The following UNC79 variants were observed in gnomAD, a reference collection of about 807,000 sequenced individuals.
UNC79 encodes protein unc-79 homolog.
A neutral mutation model predicts 283.1 loss-of-function variants in UNC79; 37 were observed. That is an observed-to-expected ratio of 0.13 (90% confidence interval 0.10 to 0.17). The LOEUF (loss-of-function observed/expected upper bound fraction) is 0.17. Ranked by LOEUF, UNC79 falls within the 10% of genes least tolerant of loss-of-function variation. The pLI is 1.00. For synonymous variants in UNC79, 1,107 were observed against 1,200.2 expected (o/e 0.92, Z 1.61); for missense variants, 2,272 against 3,211.1 (o/e 0.71, Z 7.07).
chr14:93,682,516 A>C (rs763670552), intron 41 of UNC79, 101 bp from the exon 45 acceptor site: 23 of 1,041,406 alleles, frequency 2.2e-5, no homozygotes, highest in Non-Finnish European at 2.9e-5. Context: ...ATCGTCATGA[A>C]AATAAACACT....
rs79405862 is a variant in UNC79, at chr14:93,602,682, C to T, written c.3575-557C>T. Among the ~76,000 whole-genome samples, 1,440 of 152,190 alleles carry T rather than the reference C, an allele frequency of 9.5e-3. 23 individuals are homozygous for T. Among genetic ancestry groups the T allele is most frequent in the African/African-American group, 0.033 (1,357 of 41,498 alleles). ...ATGGGAATTGCATTGAATCTGCTGCCCAGGCTGATGTGTAGTGGTGTCATC... is the reference window on the plus strand; with the variant it reads ...ATGGGAATTGCATTGAATCTGCTGCTCAGGCTGATGTGTAGTGGTGTCATC... On this transcript the variant is annotated intron_variant, in intron 25 of 48. Coordinates refer to ENST00000555664, the Ensembl canonical transcript of UNC79.
At chr14:93,402,192 G>T (rs1490427288) in intron 1 of UNC79, among the ~76,000 whole-genome samples, 1 of 145,768 alleles carries the variant, frequency 6.9e-6, no homozygotes, top group Admixed American at 7.2e-5. Context: ...CAGGAGAATT[G>T]CTTGAACCCA....
At chr14:93,613,134 A>G (rs1566775710) in intron 27 of UNC79, 51 bp downstream of exon 28, 2 of 1,600,984 alleles carry the variant, frequency 1.2e-6, no homozygotes, top group Non-Finnish European at 1.7e-6. Flanking sequence ...TTTTAGTAGA[A>G]GCAAGGCATT....
intron 1 of UNC79, among the ~76,000 whole-genome samples, chr14:93,371,566 C>G (rs2054447406): frequency 6.6e-6 from 1 of 152,028 alleles, no homozygotes; most frequent in African/African-American, 2.4e-5. Flanking sequence ...TACAGCCGGG[C>G]TAGGTGGCTC....
chr14:93,667,282 G>A (rs191755469), intron 40 of UNC79, among the ~76,000 whole-genome samples: 5 of 152,132 alleles, frequency 3.3e-5, no homozygotes, highest in Admixed American at 3.3e-4. Flanking sequence ...TACAATGGAA[G>A]ATCAATACAA....
chr14:93,596,342 A>C (rs552258149), intron 23 of UNC79, among the ~76,000 whole-genome samples: 1 of 152,358 alleles, frequency 6.6e-6, no homozygotes, highest in Non-Finnish European at 1.5e-5. Context: ...GTCAATAGGA[A>C]GAATACTGTA....
At chr14:93,370,964 GAT>G (rs2054431115) in intron 1 of UNC79, among the ~76,000 whole-genome samples, 1 of 152,056 alleles carries the variant, frequency 6.6e-6, no homozygotes. Flanking sequence ...TATTTGAAAA[GAT>G]AGTAATTAAG....
Position 93,356,321 on chromosome 14 carries a change from C to A in UNC79, c.-351+22798C>A, listed in dbSNP as rs553905312. On this transcript the variant is annotated intron_variant, in intron 1 of 49. Transcript: ENST00000256339. ...TACAGTACAGGCATGAGCCACTGTT[C>A]CCAGCCACTTCTATTTCACTCTTGT... Among the ~76,000 whole-genome samples the A allele has an allele frequency of 5.3e-5, 8 of 152,324 alleles. No homozygotes were observed. In the South Asian group the frequency reaches 1.7e-3, roughly 32 times the overall value.
chr14:93,440,413 C>G (rs764085530), intron 1 of UNC79, among the ~76,000 whole-genome samples: 6 of 151,570 alleles, frequency 4.0e-5, no homozygotes, highest in Non-Finnish European at 7.4e-5. Flanking sequence ...TTTATTACTT[C>G]TAGTTTTTGG....
At chr14:93,519,514 T>C (rs1364106219) in intron 7 of UNC79, among the ~76,000 whole-genome samples, 1 of 151,852 alleles carries the variant, frequency 6.6e-6, no homozygotes, top group Non-Finnish European at 1.5e-5. Context: ...AATTATTGTT[T>C]AGACCATTGG....
chr14:93,649,406 A>G (rs546867725), intron 35 of UNC79, among the ~76,000 whole-genome samples: 13 of 152,240 alleles, frequency 8.5e-5, no homozygotes, highest in African/African-American at 3.1e-4. Context: ...TAAAACAAAT[A>G]TTTTATTTTC....
At position 93,540,684 on chromosome 14, in the gene UNC79, T is replaced by C. The variant is rs774603008; in HGVS notation, c.1377T>C (p.His459=). Reference sequence around the variant, plus strand: ...GCTTGTTGAAAGAAGCCGAGTTCCATGCTGAGCAGCGAGAACATGAGCTGA... The same window carrying C: ...GCTTGTTGAAAGAAGCCGAGTTCCACGCTGAGCAGCGAGAACATGAGCTGA... Residue 459 remains histidine, a synonymous_variant, in exon 13 of 49, where the codon CAT becomes CAC. Coordinates refer to ENST00000555664, the Ensembl canonical transcript of UNC79. 6.8e-6 allele frequency: 11 copies of C among 1,613,402 alleles called. No homozygotes were observed. The African/African-American group carries it at 9.3e-5, about 14-fold the overall frequency.
intron 14 of UNC79, among the ~76,000 whole-genome samples, chr14:93,546,112 G>A (rs1335204632): frequency 6.6e-6 from 1 of 152,218 alleles, no homozygotes; most frequent in Non-Finnish European, 1.5e-5. Context: ...CTATCATAGT[G>A]ATGTTATCCG....
chr14:93,421,800 A>G (rs2140071604), intron 1 of UNC79, among the ~76,000 whole-genome samples: 1 of 151,612 alleles, frequency 6.6e-6, no homozygotes, highest in South Asian at 2.1e-4. Context: ...GAAAACAAGA[A>G]CATTTATCAT....
chr14:93,672,716 T>G (rs544925075), intron 40 of UNC79, among the ~76,000 whole-genome samples: 1 of 152,326 alleles, frequency 6.6e-6, no homozygotes, highest in South Asian at 2.1e-4. Flanking sequence ...ATGAATAACC[T>G]AAATACTCTA....
At chr14:93,333,648 A>C (rs2053506348) in intron 1 of UNC79, 1 of 383,796 alleles carries the variant, frequency 2.6e-6, no homozygotes, top group Non-Finnish European at 4.6e-6. Flanking sequence ...ACAAAGGACA[A>C]AATTGATGAA....
chr14:93,451,825 T>G (rs1456783468), intron 1 of UNC79, among the ~76,000 whole-genome samples: 6 of 152,236 alleles, frequency 3.9e-5, no homozygotes, highest in Non-Finnish European at 7.3e-5. Flanking sequence ...TTCTTAGCAC[T>G]GCTGCTGGCC....
chr14:93,611,552 G>T (rs892047843), intron 26 of UNC79, among the ~76,000 whole-genome samples: 24 of 152,162 alleles, frequency 1.6e-4, no homozygotes, highest in African/African-American at 5.6e-4. Flanking sequence ...GCAATTCCCA[G>T]AAACATTTCT....
intron 31 of UNC79, among the ~76,000 whole-genome samples, chr14:93,633,623 A>C (rs1404350548): frequency 6.6e-6 from 1 of 152,210 alleles, no homozygotes; most frequent in Non-Finnish European, 1.5e-5. Context: ...AGTTGCATCC[A>C]TGATGCTCTG....
Sources: allele counts gnomAD v4.1 joint callset (sites outside exome capture counted in the v4.1 genomes callset), GRCh38; gene constraint gnomAD v4.1.1; transcripts MANE v1.5; gene names NCBI Gene and HGNC (gene_info 2026-07-23, HGNC 2026-07-21).